Variants in CCDC63 observed in about 807,000 individuals in gnomAD.
CCDC63 encodes coiled-coil domain containing 63.
Under a neutral mutation model 63.6 loss-of-function variants are expected in CCDC63, and 54 were observed. The ratio of observed to expected loss-of-function variants is 0.85; its 90% CI spans 0.68 to 1.07. The LOEUF is 1.07. Ranked by LOEUF, CCDC63 falls within the 50% of genes least tolerant of loss-of-function variation. CCDC63 has a pLI of 0.00. For missense variants in CCDC63, 637 were observed against 689.6 expected (o/e 0.92, Z 0.86); for synonymous variants, 253 against 266.1 (o/e 0.95, Z 0.48).
intron 4 of CCDC63, among the ~76,000 whole-genome samples, chr12:110,868,504 C>T (rs1167053969): frequency 4.7e-5 from 7 of 150,106 alleles, no homozygotes; most frequent in East Asian, 2.0e-4. Flanking sequence ...CCGAGGTTGG[C>T]GGATCACTCG....
At chr12:110,905,623 A>C (rs2071550033) in intron 11 of CCDC63, among the ~76,000 whole-genome samples, 1 of 151,708 alleles carries the variant, frequency 6.6e-6, no homozygotes. Context: ...CATGCAGTGG[A>C]ATTCTAAGCA....
intron 3 of CCDC63, among the ~76,000 whole-genome samples, chr12:110,854,108 G>A (rs1051341181): frequency 6.6e-6 from 1 of 152,142 alleles, no homozygotes; most frequent in African/African-American, 2.4e-5. Context: ...GTCTGGGGCT[G>A]TCACTCCCTT....
At chr12:110,887,077 A>C (rs1190128136) in intron 8 of CCDC63, among the ~76,000 whole-genome samples, 1 of 152,120 alleles carries the variant, frequency 6.6e-6, no homozygotes, top group African/African-American at 2.4e-5. Flanking sequence ...TTATAAAAAA[A>C]GTTTCAAACT....
At chr12:110,902,267 C>T (rs1280735291) in intron 10 of CCDC63, among the ~76,000 whole-genome samples, 1 of 152,178 alleles carries the variant, frequency 6.6e-6, no homozygotes, top group Non-Finnish European at 1.5e-5. Context: ...AAAGCCTCAC[C>T]CTGCTGTGTT....
intron 4 of CCDC63, among the ~76,000 whole-genome samples, chr12:110,866,549 G>A (rs2136667468): frequency 7.0e-6 from 1 of 143,806 alleles, no homozygotes; most frequent in Non-Finnish European, 1.5e-5. Context: ...TCAAGCATCT[G>A]TTTAACAAAG....
At chr12:110,850,336 G>T (rs534705588) in intron 1 of CCDC63, among the ~76,000 whole-genome samples, 1 of 152,230 alleles carries the variant, frequency 6.6e-6, no homozygotes, top group South Asian at 2.1e-4. Context: ...GCAGGGAGGC[G>T]AAGCCCTGGT....
At chr12:110,885,695 C>A (rs1170072623) in intron 8 of CCDC63, among the ~76,000 whole-genome samples, 1 of 152,288 alleles carries the variant, frequency 6.6e-6, no homozygotes, top group African/African-American at 2.4e-5. Flanking sequence ...AATGTCGCCT[C>A]CTCTGGGAAT....
At chr12:110,902,147 C>T (rs2071496628) in intron 10 of CCDC63, among the ~76,000 whole-genome samples, 1 of 152,054 alleles carries the variant, frequency 6.6e-6, no homozygotes, top group South Asian at 2.1e-4. Flanking sequence ...TTTTCTTTAT[C>T]CATTCAGGCG....
intron 11 of CCDC63, 151 bp downstream of exon 11, chr12:110,904,942 G>A: frequency 1.8e-6 from 1 of 554,332 alleles, no homozygotes; most frequent in South Asian, 3.2e-5. Context: ...AGTTCCCTTG[G>A]GTGCCATCTT....
rs2136762222 is a variant in CCDC63 at position 110,907,283 on chromosome 12, C to T, written c.1547-48C>T. On this transcript the variant is annotated intron_variant, in intron 11 of 11. Coordinates refer to ENST00000308208, the MANE Select transcript of CCDC63 (RefSeq NM_152591.3). The surrounding 1 kb of genome is among the most constrained non-coding windows in gnomAD (Gnocchi z 4.4). ...ACGCCAAACCAGGCTTAGCCCCAGCCCTGGGGTTGATTTCCCAGCACCTCA... is the reference window on the plus strand; with the variant it reads ...ACGCCAAACCAGGCTTAGCCCCAGCTCTGGGGTTGATTTCCCAGCACCTCA... The T allele has an allele frequency of 6.3e-7, 1 of 1,589,880 alleles. No homozygotes were observed. The highest frequency in any genetic ancestry group is 1.1e-5 in the South Asian group (1 of 87,758).
intron 8 of CCDC63, 47 bp from the exon 9 acceptor site, chr12:110,893,029 G>A (rs753748718): frequency 1.4e-6 from 2 of 1,471,352 alleles, no homozygotes; most frequent in Non-Finnish European, 1.9e-6. Flanking sequence ...GAGCAGTGGG[G>A]AGGGAAGAGC....
chr12:110,904,879 G>A, intron 11 of CCDC63, 88 bp downstream of exon 11: 1 of 1,077,226 alleles, frequency 9.3e-7, no homozygotes, highest in Non-Finnish European at 1.3e-6. Flanking sequence ...GCCCGAGAGG[G>A]TCTGCAGTGT....
chr12:110,900,323 G>C (rs550860291), intron 10 of CCDC63, among the ~76,000 whole-genome samples: 27 of 152,240 alleles, frequency 1.8e-4, no homozygotes, highest in African/African-American at 6.5e-4. Context: ...GAACAAGGAA[G>C]GGATGTCTGC....
intron 4 of CCDC63, among the ~76,000 whole-genome samples, chr12:110,866,100 G>C (rs2070943562): frequency 6.6e-6 from 1 of 151,962 alleles, no homozygotes; most frequent in African/African-American, 2.4e-5. Flanking sequence ...GCCTCAGCCT[G>C]CCAAGTAGCT....
At position 110,854,255 on chromosome 12, in the gene CCDC63, CTT is replaced by C. The variant is rs59793950; in HGVS notation, c.179+696_179+697del. On this transcript the variant is annotated intron_variant, in intron 3 of 11. Transcript: ENST00000308208. Reference sequence around the variant, plus strand: ...ATCAGAAATTACAATCATTTCTTTTCTTTTTTTTTTTTTTTTGGAGTGTATCA... The same window carrying C: ...ATCAGAAATTACAATCATTTCTTTTCTTTTTTTTTTTTTTGGAGTGTATCA... Among the ~76,000 whole-genome samples, 970 of 106,730 alleles carry C rather than the reference CTT, an allele frequency of 9.1e-3. 13 individuals carry two copies. The highest frequency in any genetic ancestry group is 0.028 in the African/African-American group (804 of 28,320). 70.0% of individuals were successfully genotyped at this position (106,730 alleles called of 152,430 possible). A position where few individuals can be genotyped will look rare whatever the true frequency, so the allele number is the denominator to read the frequency against.
Position 110,904,734 on chromosome 12 carries a change from A to C in CCDC63, c.1489A>C (p.Ile497Leu). 1 of 1,613,806 alleles carries C rather than the reference A, an allele frequency of 6.2e-7. No homozygotes were observed. Among genetic ancestry groups the C allele is most frequent in the Non-Finnish European group, 8.5e-7 (1 of 1,179,906 alleles). Residue 497 changes from isoleucine (I) to leucine (L), a missense_variant, in exon 11 of 12, where the codon ATC (isoleucine) becomes CTC (leucine). Transcript: ENST00000308208. ...TGCCCTCCTCAAGCCCCCAGAACCC[A>C]TCAAAGTCATCCCCCCAGTGCTGGG... ...GSALLKPPEP[I>L]KVIPPVLGAD...
At chr12:110,869,190 A>G (rs1424654446) in intron 4 of CCDC63, among the ~76,000 whole-genome samples, 4 of 152,166 alleles carry the variant, frequency 2.6e-5, no homozygotes, top group Non-Finnish European at 4.4e-5. Flanking sequence ...GACAAACTTT[A>G]TATTTCACAA....
chr12:110,872,836 A>G (rs547626472), intron 4 of CCDC63, among the ~76,000 whole-genome samples: 2 of 152,284 alleles, frequency 1.3e-5, no homozygotes, highest in South Asian at 4.1e-4. Context: ...TTTGTTGTCC[A>G]GGCTGGTCTC....
At chr12:110,847,646 A>G (rs2070656314) in intron 1 of CCDC63, among the ~76,000 whole-genome samples, 2 of 152,182 alleles carry the variant, frequency 1.3e-5, no homozygotes, top group Admixed American at 1.3e-4. Context: ...AACAAACAAA[A>G]AACAAGAAAA....
Sources: allele counts gnomAD v4.1 joint callset (sites outside exome capture counted in the v4.1 genomes callset), GRCh38; gene constraint gnomAD v4.1.1; non-coding constraint Gnocchi (gnomAD v3.1); transcripts MANE v1.5; gene names NCBI Gene and HGNC (gene_info 2026-07-23, HGNC 2026-07-21).